The following CAPZB variants were observed in gnomAD, a reference collection of about 807,000 sequenced individuals.
The protein encoded by CAPZB is F-actin-capping protein subunit beta.
In CAPZB, 2 loss-of-function variants were observed where a neutral mutation model predicts 38.1. The observed-to-expected ratio is 0.05, with a 90% confidence interval of 0.02 to 0.17. The LOEUF (loss-of-function observed/expected upper bound fraction) is 0.17. Ranked by LOEUF, CAPZB falls within the 10% of genes least tolerant of loss-of-function variation. CAPZB has a pLI of 1.00. For synonymous variants in CAPZB, 107 were observed against 127.4 expected (o/e 0.84, Z 1.08); for missense variants, 161 against 334.2 (o/e 0.48, Z 4.04).
intron 1 of CAPZB, among the ~76,000 whole-genome samples, chr1:19,447,403 T>C (rs1331716025): frequency 9.0e-5 from 11 of 122,818 alleles, no homozygotes; most frequent in Non-Finnish European, 2.0e-4. Flanking sequence ...TTTTTTTTTT[T>C]TTTGGATTTT....
intron 1 of CAPZB, among the ~76,000 whole-genome samples, chr1:19,421,855 T>C (rs982401278): frequency 1.3e-5 from 2 of 152,204 alleles, no homozygotes; most frequent in African/African-American, 4.8e-5. Flanking sequence ...TAATACACAG[T>C]AGTATGTGTT....
chr1:19,484,505 TTCTGGGCACACCGATGCC>T (rs1209515380), intron 1 of CAPZB: 2 of 1,375,734 alleles, frequency 1.5e-6, no homozygotes, highest in Non-Finnish European at 1.9e-6. Context: ...GCGCGCTGCC[TTCTGGGCACACCGATGCC>T]CGCCCTTCCC....
At chr1:19,461,183 T>G (rs1158229018) in intron 1 of CAPZB, among the ~76,000 whole-genome samples, 1 of 152,090 alleles carries the variant, frequency 6.6e-6, no homozygotes, top group Non-Finnish European at 1.5e-5. Flanking sequence ...AGAATGGATC[T>G]TCATATGGGC....
intron 1 of CAPZB, chr1:19,448,691 T>G (rs1558271053): frequency 9.1e-7 from 1 of 1,100,654 alleles, no homozygotes. Flanking sequence ...GCCAACACAT[T>G]TCCTGGGGGT....
At chr1:19,352,296 TG>T (rs2093995858) in intron 6 of CAPZB, among the ~76,000 whole-genome samples, 1 of 152,146 alleles carries the variant, frequency 6.6e-6, no homozygotes, top group Admixed American at 6.5e-5. Flanking sequence ...CTCTGCTGAG[TG>T]GGGAGAGACT....
intron 2 of CAPZB, among the ~76,000 whole-genome samples, chr1:19,416,649 G>A (rs1218635525): frequency 6.6e-6 from 1 of 151,920 alleles, no homozygotes; most frequent in Non-Finnish European, 1.5e-5. Flanking sequence ...TCAGCAGTTC[G>A]AGACCAGCCT....
At position 19,373,411 on chromosome 1, in the gene CAPZB, T is replaced by C. The variant is rs2100397348; in HGVS notation, c.329+5129A>G. 2.6e-5 allele frequency among the ~76,000 whole-genome samples: 4 copies of C among 152,358 alleles called. 1 individual carries two copies. In the South Asian group the frequency reaches 8.3e-4, roughly 32 times the overall value. On this transcript the variant is annotated intron_variant, in intron 4 of 8. Transcript: ENST00000264202. ...CCATCATTCTGACATTGATTCCATG[T>C]GCTTATGATTAAATCCAACTCCCTA...
rs78307073 is a variant in CAPZB at position 19,444,941 on chromosome 1, C to G, written c.4-25191G>C. ...TATTTTTAGTAGAGACGGGATCTCA[C>G]CACGTTGGCCAGGCTGGTATTGAAC... On this transcript the variant is annotated intron_variant, in intron 1 of 8. Coordinates refer to ENST00000264202, the MANE Select transcript of CAPZB (RefSeq NM_004930.5). Among the ~76,000 whole-genome samples the G allele has an allele frequency of 4.4e-3, 664 of 152,148 alleles. 2 individuals carry two copies. The highest frequency in any genetic ancestry group is 0.014 in the African/African-American group (589 of 41,468).
chr1:19,418,287 G>C (rs1214278523), intron 2 of CAPZB, among the ~76,000 whole-genome samples: 1 of 152,018 alleles, frequency 6.6e-6, no homozygotes, highest in African/African-American at 2.4e-5. Context: ...GGAGTAACGA[G>C]GGCAGCTGCT....
At chr1:19,448,190 T>C (rs1570299642) in intron 1 of CAPZB, among the ~76,000 whole-genome samples, 2 of 152,120 alleles carry the variant, frequency 1.3e-5, no homozygotes, top group African/African-American at 4.8e-5. Flanking sequence ...GCAAGAAGGG[T>C]GGTGCGCCGC....
At chr1:19,415,939 TA>T (rs1276802260) in intron 2 of CAPZB, among the ~76,000 whole-genome samples, 2 of 152,198 alleles carry the variant, frequency 1.3e-5, no homozygotes, top group African/African-American at 4.8e-5. Flanking sequence ...ATACTTCAAT[TA>T]AAAAATTAAT....
At chr1:19,401,186 T>A (rs543242997) in intron 2 of CAPZB, among the ~76,000 whole-genome samples, 2 of 147,612 alleles carry the variant, frequency 1.4e-5, no homozygotes, top group South Asian at 4.3e-4. Context: ...TTCCTACACA[T>A]AGGCAGAATA....
chr1:19,475,981 A>C (rs1358363287), intron 1 of CAPZB, among the ~76,000 whole-genome samples: 4 of 152,192 alleles, frequency 2.6e-5, no homozygotes, highest in African/African-American at 9.7e-5. Flanking sequence ...TACCAGGCAG[A>C]ACAAGGGTAA....
intron 1 of CAPZB, among the ~76,000 whole-genome samples, chr1:19,448,423 T>C (rs2094503483): frequency 6.6e-6 from 1 of 152,204 alleles, no homozygotes; most frequent in Non-Finnish European, 1.5e-5. Flanking sequence ...AATACATTAC[T>C]TCCCTCTCTG....
At chr1:19,442,323 A>AACTGATTC (rs1482649788) in intron 1 of CAPZB, among the ~76,000 whole-genome samples, 2 of 152,152 alleles carry the variant, frequency 1.3e-5, no homozygotes, top group African/African-American at 4.8e-5. Context: ...ATCTGATTCA[A>AACTGATTC]ACTGATTCGA....
In CAPZB at chr1:19,444,315, C is replaced by T. The variant is rs185356091; in HGVS notation, c.4-24565G>A. ...TGCCCCTCCATCAGTCTGCAACACC[C>T]CCCAGCCCTGAGGTCTCAGACACCC... On this transcript the variant is annotated intron_variant, in intron 1 of 8. Coordinates refer to ENST00000264202, the MANE Select transcript of CAPZB (RefSeq NM_004930.5). Among the ~76,000 whole-genome samples, 314 of 152,318 alleles carry T rather than the reference C, an allele frequency of 2.1e-3. 3 individuals carry two copies. Among genetic ancestry groups the T allele is most frequent in the Admixed American group, 3.5e-3 (53 of 15,300 alleles).
chr1:19,344,886 G>A (rs1180566399), intron 7 of CAPZB, among the ~76,000 whole-genome samples: 1 of 152,234 alleles, frequency 6.6e-6, no homozygotes, highest in Non-Finnish European at 1.5e-5. Context: ...GCAGGGCCCT[G>A]TTCACACCCA....
At chr1:19,430,958 G>C (rs2094439857) in intron 1 of CAPZB, among the ~76,000 whole-genome samples, 1 of 152,162 alleles carries the variant, frequency 6.6e-6, no homozygotes, top group African/African-American at 2.4e-5. Flanking sequence ...GAGTGAGCTG[G>C]AGCATTTTCT....
At chr1:19,430,662 C>T (rs1341195739) in intron 1 of CAPZB, among the ~76,000 whole-genome samples, 2 of 152,128 alleles carry the variant, frequency 1.3e-5, no homozygotes, top group Non-Finnish European at 2.9e-5. Flanking sequence ...ATCTCTTACC[C>T]CTGCACCCAC....
Sources: allele counts gnomAD v4.1 joint callset (sites outside exome capture counted in the v4.1 genomes callset), GRCh38; gene constraint gnomAD v4.1.1; transcripts MANE v1.5; gene names NCBI Gene and HGNC (gene_info 2026-07-23, HGNC 2026-07-21).